The following UACA variants were observed in gnomAD, a reference collection of about 807,000 sequenced individuals.
UACA encodes the protein uveal autoantigen with coiled-coil domains and ankyrin repeats, also known as nuclear membrane binding protein.
A neutral mutation model predicts 160.5 loss-of-function variants in UACA; 112 were observed. That is an observed-to-expected ratio of 0.70 (90% CI 0.60 to 0.82). UACA has a LOEUF of 0.82. UACA is among the 40% of genes least tolerant of loss of function. The probability of loss-of-function intolerance (pLI) is 0.00; values close to 1 mark genes in which losing one functional copy is unlikely to be tolerated. For synonymous variants in UACA, 557 were observed against 568.4 expected (o/e 0.98, Z 0.29); for missense variants, 1,574 against 1,614.6 (o/e 0.97, Z 0.43).
chr15:70,674,356 C>T lies in UACA; in HGVS notation c.1131+2137G>A, dbSNP rs543746167. On this transcript the variant is annotated intron_variant, in intron 13 of 18. Coordinates refer to ENST00000322954, the MANE Select transcript of UACA (RefSeq NM_018003.4). ...ACAAAACAGGATGTACTATATGATC[C>T]CACCTGTTGAATGAGTATATAACAC... Among the ~76,000 whole-genome samples the T allele has an allele frequency of 8.0e-3, 1,223 of 152,172 alleles. 9 individuals are homozygous for T. Among genetic ancestry groups the T allele is most frequent in the Non-Finnish European group, 0.014 (930 of 67,988 alleles).
At chr15:70,763,887 A>G (rs1220545932), upstream of UACA, among the ~76,000 whole-genome samples, 1 of 151,984 alleles carries the variant, frequency 6.6e-6, no homozygotes, top group Non-Finnish European at 1.5e-5. Context: ...CTTTCCACCC[A>G]CGCGCTCTTT....
At chr15:70,689,767 T>A (rs1406969844) in intron 5 of UACA, among the ~76,000 whole-genome samples, 1 of 152,090 alleles carries the variant, frequency 6.6e-6, no homozygotes, top group Non-Finnish European at 1.5e-5. Context: ...TATATAACTT[T>A]TTTCAAAGTA....
At chr15:70,742,561 AAT>A (rs564111335) in intron 1 of UACA, among the ~76,000 whole-genome samples, 48 of 152,288 alleles carry the variant, frequency 3.2e-4, no homozygotes, top group Admixed American at 2.2e-3. Context: ...GTTTTATATA[AAT>A]ATGTTTATTA....
Position 70,676,568 on chromosome 15 carries a change from C to G in UACA, c.1056G>C (p.Leu352Phe). 6.2e-7 allele frequency: 1 copy of G among 1,612,424 alleles called. No homozygotes were observed. The highest frequency in any genetic ancestry group is 8.5e-7 in the Non-Finnish European group (1 of 1,179,514). ...ESEREKLKSL[L>F]AAKEKQHEES... Reference sequence around the variant, plus strand: ...CTTCATGTTGCTTTTCTTTAGCTGCCAAAAGGGACTTCAGCTTTTCTCTCT... The same window carrying G: ...CTTCATGTTGCTTTTCTTTAGCTGCGAAAAGGGACTTCAGCTTTTCTCTCT... Residue 352 changes from leucine to phenylalanine, a missense_variant, in exon 13 of 19, where the codon TTG becomes TTC. Transcript: ENST00000322954.
At chr15:70,663,573 T>C (rs904286604) in intron 17 of UACA, among the ~76,000 whole-genome samples, 1 of 152,116 alleles carries the variant, frequency 6.6e-6, no homozygotes, top group Non-Finnish European at 1.5e-5. Context: ...AAGACACATA[T>C]GTTTATTGCG....
chr15:70,672,898 C>T (rs2140913661), intron 13 of UACA, among the ~76,000 whole-genome samples: 1 of 152,138 alleles, frequency 6.6e-6, no homozygotes, highest in African/African-American at 2.4e-5. Context: ...AGTTCAAGAC[C>T]AGCTTGGCCA....
intron 1 of UACA, among the ~76,000 whole-genome samples, chr15:70,717,405 TTA>T (rs1259421759): frequency 6.6e-6 from 1 of 152,242 alleles, no homozygotes; most frequent in Non-Finnish European, 1.5e-5. Flanking sequence ...AGTAAGTATT[TTA>T]GACTTTGCAG....
chr15:70,699,467 T>C, intron 2 of UACA, 60 bp downstream of exon 2: 1 of 1,552,738 alleles, frequency 6.4e-7, no homozygotes, highest in South Asian at 1.2e-5. Context: ...CAAGTTTCAT[T>C]TGTATCCCAA....
the UACA span, among the ~76,000 whole-genome samples, chr15:70,777,922 A>G: frequency 1.3e-5 from 2 of 152,234 alleles, no homozygotes; most frequent in Admixed American, 6.5e-5. Flanking sequence ...GGTTACAGGT[A>G]CACACCCCAA....
In UACA at chr15:70,682,806, G is replaced by C. The variant is rs1367259069; in HGVS notation, c.785-11C>G. The C allele has an allele frequency of 1.9e-5, 29 of 1,553,134 alleles. No homozygotes were observed. The highest frequency in any genetic ancestry group is 2.4e-5 in the Non-Finnish European group (28 of 1,152,438). On this transcript the variant is annotated splice_polypyrimidine_tract_variant and intron_variant, in intron 8 of 18. Transcript: ENST00000322954. ...TCCAAAGTTCTCTCCCTAAGATTTA[G>C]AGAAAAAGAGAAACAACAAAATGGC...
At chr15:70,742,711 A>G (rs1163610543) in intron 1 of UACA, among the ~76,000 whole-genome samples, 1 of 152,138 alleles carries the variant, frequency 6.6e-6, no homozygotes. Flanking sequence ...TCCCATGTGA[A>G]TGTTTCATAT....
upstream of UACA, among the ~76,000 whole-genome samples, chr15:70,765,548 C>G (rs1030761938): frequency 6.6e-6 from 1 of 152,152 alleles, no homozygotes; most frequent in Non-Finnish European, 1.5e-5. Flanking sequence ...ATGAGCTGAG[C>G]AAACCTTATT....
At position 70,676,540 on chromosome 15, in the gene UACA, TTTC is replaced by T; in HGVS notation, c.1081_1083del (p.Glu361del). On this transcript the variant is annotated inframe_deletion, in exon 13 of 19. Transcript: ENST00000322954. ...TTCAGAGCCTCAATAGTCCTTAAGCTTTCTTCATGTTGCTTTTCTTTAGCTGCC... is the reference window on the plus strand; with the variant it reads ...TTCAGAGCCTCAATAGTCCTTAAGCTTTCATGTTGCTTTTCTTTAGCTGCC... The T allele has an allele frequency of 6.2e-7, 1 of 1,612,960 alleles. No homozygotes were observed. Among genetic ancestry groups the T allele is most frequent in the Non-Finnish European group, 8.5e-7 (1 of 1,179,712 alleles).
At chr15:70,778,289 C>A in the UACA span, among the ~76,000 whole-genome samples, 1 of 152,298 alleles carries the variant, frequency 6.6e-6, no homozygotes, top group Non-Finnish European at 1.5e-5. Flanking sequence ...CATTTTGTAT[C>A]ATAGCTGCAG....
chr15:70,748,631 C>T (rs1166902286), intron 1 of UACA, among the ~76,000 whole-genome samples: 1 of 152,064 alleles, frequency 6.6e-6, no homozygotes, highest in Non-Finnish European at 1.5e-5. Flanking sequence ...CTACCCCTCC[C>T]TTTCCCTGTT....
chr15:70,764,791 C>T (rs1464029579), upstream of UACA, among the ~76,000 whole-genome samples: 18 of 152,072 alleles, frequency 1.2e-4, no homozygotes, highest in Non-Finnish European at 2.6e-4. Context: ...TTGATTCCTC[C>T]CCCTTCCTCT....
intron 11 of UACA, among the ~76,000 whole-genome samples, chr15:70,677,792 G>A (rs1897342842): frequency 6.6e-6 from 1 of 152,122 alleles, no homozygotes; most frequent in African/African-American, 2.4e-5. Context: ...TCTCTGGAAT[G>A]CCCTCTGATT....
chr15:70,685,737 G>A (rs1897689819), intron 7 of UACA, among the ~76,000 whole-genome samples: 1 of 152,060 alleles, frequency 6.6e-6, no homozygotes, highest in African/African-American at 2.4e-5. Context: ...ATAAAGCACT[G>A]TATGTAGATC....
intron 18 of UACA, among the ~76,000 whole-genome samples, chr15:70,658,924 T>G (rs980638106): frequency 6.6e-6 from 1 of 152,244 alleles, no homozygotes; most frequent in Non-Finnish European, 1.5e-5. Flanking sequence ...TTATGTTTCA[T>G]TAGGACACAG....
Sources: allele counts gnomAD v4.1 joint callset (sites outside exome capture counted in the v4.1 genomes callset), GRCh38; gene constraint gnomAD v4.1.1; transcripts MANE v1.5; gene names NCBI Gene and HGNC (gene_info 2026-07-23, HGNC 2026-07-21).